KCNIP4: variants seen among roughly 807,000 people sequenced by gnomAD.
The protein encoded by KCNIP4 is Kv channel-interacting protein 4.
In KCNIP4, 12 loss-of-function variants were observed where a neutral mutation model predicts 34.0. The ratio of observed to expected loss-of-function variants is 0.35; its 90% confidence interval spans 0.23 to 0.57. KCNIP4 has a LOEUF of 0.57. KCNIP4 is among the 20% of genes least tolerant of loss of function. KCNIP4 has a pLI of 0.83. For synonymous variants in KCNIP4, 124 were observed against 102.2 expected, an observed-to-expected ratio of 1.21 and a Z score of -1.29; for missense variants, 238 against 311.7, an observed-to-expected ratio of 0.76 and a Z score of 1.78.
At chr4:21,764,931 C>A (rs184982414) in intron 1 of KCNIP4, among the ~76,000 whole-genome samples, 55 of 152,086 alleles carry the variant, frequency 3.6e-4, no homozygotes, top group Middle Eastern at 3.4e-3. Context: ...TTCATAAGCC[C>A]TTTGCTCTTC....
chr4:21,275,478 G>A (rs576167954), intron 1 of KCNIP4, among the ~76,000 whole-genome samples: 1 of 152,316 alleles, frequency 6.6e-6, no homozygotes, highest in African/African-American at 2.4e-5. Flanking sequence ...TCATGCAAGT[G>A]TTTACACTTC....
At chr4:21,602,130 C>T (rs1349369012) in intron 1 of KCNIP4, among the ~76,000 whole-genome samples, 1 of 152,002 alleles carries the variant, frequency 6.6e-6, no homozygotes, top group Non-Finnish European at 1.5e-5. Flanking sequence ...ACCTTGGGCA[C>T]TGACTACTTG....
At chr4:20,735,742 G>A (rs1378963467) in intron 5 of KCNIP4, among the ~76,000 whole-genome samples, 1 of 151,924 alleles carries the variant, frequency 6.6e-6, no homozygotes, top group East Asian at 1.9e-4. Flanking sequence ...TCACCATGTT[G>A]GCCAGGTTGG....
At chr4:21,857,036 G>C (rs758066651) in intron 1 of KCNIP4, among the ~76,000 whole-genome samples, 1 of 152,140 alleles carries the variant, frequency 6.6e-6, no homozygotes, top group Non-Finnish European at 1.5e-5. Context: ...GAGGCAGATA[G>C]GCTCCTGGGT....
At chr4:21,230,291 C>T (rs1758698177) in intron 1 of KCNIP4, among the ~76,000 whole-genome samples, 1 of 152,058 alleles carries the variant, frequency 6.6e-6, no homozygotes, top group South Asian at 2.1e-4. Context: ...TTGTGCTTTC[C>T]AGGTTTGTTC....
At chr4:20,915,339 T>C (rs1053424796) in intron 1 of KCNIP4, among the ~76,000 whole-genome samples, 7 of 152,158 alleles carry the variant, frequency 4.6e-5, no homozygotes, top group Admixed American at 3.3e-4. Context: ...GGCTCATTAC[T>C]TTTTTTGAGG....
intron 1 of KCNIP4, among the ~76,000 whole-genome samples, chr4:21,526,130 G>A (rs759659519): frequency 3.9e-5 from 6 of 152,050 alleles, no homozygotes; most frequent in Non-Finnish European, 7.4e-5. Context: ...GATATGTTTT[G>A]GATCTGTGTC....
intron 1 of KCNIP4, among the ~76,000 whole-genome samples, chr4:21,111,625 C>A (rs1192476786): frequency 6.6e-6 from 1 of 152,178 alleles, no homozygotes; most frequent in Non-Finnish European, 1.5e-5. Context: ...TTCAGTGATG[C>A]CCCAAAGAGG....
In KCNIP4 at chr4:20,780,804, C is replaced by G. The variant is rs73112221; in HGVS notation, c.289-21914G>C. Among the ~76,000 whole-genome samples, 1,173 of 152,284 alleles carry G rather than the reference C, an allele frequency of 7.7e-3. 12 individuals are homozygous for G. The highest frequency in any genetic ancestry group is 0.027 in the African/African-American group (1,121 of 41,546). On this transcript the variant is annotated intron_variant, in intron 3 of 8. Coordinates refer to ENST00000382152, the MANE Select transcript of KCNIP4 (RefSeq NM_025221.6). Reference sequence around the variant, plus strand: ...TGTTGGAGCCTTGATCCAGCCATGCCTGATGCTGTAAGTATTCCTATCTTA... The same window carrying G: ...TGTTGGAGCCTTGATCCAGCCATGCGTGATGCTGTAAGTATTCCTATCTTA...
Position 21,914,616 on chromosome 4 carries a change from G to A in KCNIP4, c.61+33955C>T, listed in dbSNP as rs141170483. On this transcript the variant is annotated intron_variant, in intron 1 of 8. Transcript: ENST00000382152. ...CTCACATGTCACCCACCTAAAAAGC[G>A]CTTCCCTGATCATCCTAGGCCGATC... Among the ~76,000 whole-genome samples the A allele has an allele frequency of 6.9e-3, 1,046 of 152,162 alleles. 6 individuals carry two copies. Among genetic ancestry groups the A allele is most frequent in the Non-Finnish European group, 0.011 (743 of 68,022 alleles).
chr4:21,709,134 A>C (rs1043602972), intron 1 of KCNIP4, among the ~76,000 whole-genome samples: 2 of 152,162 alleles, frequency 1.3e-5, no homozygotes, highest in Admixed American at 1.3e-4. Flanking sequence ...GATCCCCAAA[A>C]AAAAACAATT....
chr4:21,380,884 T>G (rs1475288711), intron 1 of KCNIP4, among the ~76,000 whole-genome samples: 1 of 151,896 alleles, frequency 6.6e-6, no homozygotes, highest in Non-Finnish European at 1.5e-5. Flanking sequence ...AATAGCCCAT[T>G]TGTTTTCACA....
chr4:21,381,718 T>C (rs1350882283), intron 1 of KCNIP4, among the ~76,000 whole-genome samples: 2 of 152,158 alleles, frequency 1.3e-5, no homozygotes, highest in Admixed American at 6.6e-5. Context: ...GTGGGTGCAA[T>C]GGAATTGGGT....
Position 21,426,823 on chromosome 4 carries a change from A to G in KCNIP4, c.61+521748T>C, listed in dbSNP as rs149063372. ...TTTTCTCCATTGTTTCCAAACCTTC[A>G]GTGAAACTACACTTAACTTCTGTAA... On this transcript the variant is annotated intron_variant, in intron 1 of 8. Transcript: ENST00000382152. 4.9e-4 allele frequency among the ~76,000 whole-genome samples: 75 copies of G among 152,048 alleles called. 1 individual carries two copies. Among genetic ancestry groups the G allele is most frequent in the East Asian group, 4.0e-3 (21 of 5,186 alleles).
chr4:20,782,107 G>T (rs1340872183), intron 3 of KCNIP4, among the ~76,000 whole-genome samples: 3 of 152,178 alleles, frequency 2.0e-5, no homozygotes, highest in South Asian at 4.1e-4. Flanking sequence ...TTTATTCCAG[G>T]TGTCACATCC....
intron 1 of KCNIP4, among the ~76,000 whole-genome samples, chr4:21,019,833 G>A (rs1025491461): frequency 6.6e-6 from 1 of 152,106 alleles, no homozygotes; most frequent in African/African-American, 2.4e-5. Flanking sequence ...ATATAAAGTA[G>A]CATTATATGA....
At chr4:21,606,497 G>C (rs10938851) in intron 1 of KCNIP4, among the ~76,000 whole-genome samples, 104,269 of 152,132 alleles carry the variant, frequency 0.69, 36,192 homozygotes, top group East Asian at 0.89. Context: ...GTGGGTCTCA[G>C]TGGACTGAAA....
chr4:21,272,869 A>T (rs1384957343), intron 1 of KCNIP4, among the ~76,000 whole-genome samples: 1 of 152,176 alleles, frequency 6.6e-6, no homozygotes, highest in Admixed American at 6.5e-5. Flanking sequence ...TTTAGGGTCA[A>T]TTGTCAATTA....
intron 1 of KCNIP4, among the ~76,000 whole-genome samples, chr4:21,358,327 A>T (rs1217460191): frequency 2.0e-5 from 3 of 152,124 alleles, no homozygotes; most frequent in Admixed American, 6.6e-5. Flanking sequence ...ATAATAATAA[A>T]AAAAATCCTA....
Sources: allele counts gnomAD v4.1 joint callset (sites outside exome capture counted in the v4.1 genomes callset), GRCh38; gene constraint gnomAD v4.1.1; transcripts MANE v1.5; gene names NCBI Gene and HGNC (gene_info 2026-07-23, HGNC 2026-07-21).